The following ZNF280B variants were observed in gnomAD, a reference collection of about 807,000 sequenced individuals.
ZNF280B encodes the protein suppressor of hairy wing homolog 2.
Under a neutral mutation model 38.0 loss-of-function variants are expected in ZNF280B, and 16 were observed. The observed-to-expected ratio is 0.42, with a 90% confidence interval of 0.28 to 0.64. The LOEUF (loss-of-function observed/expected upper bound fraction) is 0.64. Ranked by LOEUF, ZNF280B falls within the 30% of genes least tolerant of loss-of-function variation. The probability of loss-of-function intolerance (pLI) is 0.21; values close to 1 mark genes in which losing one functional copy is unlikely to be tolerated. For missense variants in ZNF280B, 581 were observed against 639.6 expected (o/e 0.91, Z 0.99); for synonymous variants, 253 against 230.6 (o/e 1.10, Z -0.88).
At chr22:22,499,688 A>C (rs2061778022) in intron 2 of ZNF280B, among the ~76,000 whole-genome samples, 1 of 152,026 alleles carries the variant, frequency 6.6e-6, no homozygotes, top group East Asian at 2.0e-4. Flanking sequence ...AACTTTCTCC[A>C]CCAGACAAAG....
intron 2 of ZNF280B, among the ~76,000 whole-genome samples, chr22:22,499,034 C>T (rs1005280215): frequency 6.6e-6 from 1 of 151,398 alleles, no homozygotes; most frequent in African/African-American, 2.4e-5. Context: ...CTCCTGACCT[C>T]GTGATCCGCT....
At position 22,485,758 on chromosome 22, in the gene ZNF280B, G is replaced by A. The variant is rs1165011753; in HGVS notation, c.*2009C>T. On this transcript the variant is annotated 3_prime_UTR_variant, in exon 4 of 4. Coordinates refer to ENST00000626650, the MANE Select transcript of ZNF280B (RefSeq NM_080764.4). Reference sequence around the variant, plus strand: ...CTTTAAAAAGAAATCAAGGAAAAAGGGAGAGATTTCTCCAGACCTATGTAT... The same window carrying A: ...CTTTAAAAAGAAATCAAGGAAAAAGAGAGAGATTTCTCCAGACCTATGTAT... 2.0e-5 allele frequency: 3 copies of A among 150,204 alleles called. No individual in the cohort carries two copies. The highest frequency in any genetic ancestry group is 7.3e-5 in the African/African-American group (3 of 40,832). The allele number at this position is 150,204 out of a possible 1,614,324, so 9.3% of individuals were successfully genotyped here.
At chr22:22,506,245 G>C (rs867979788) in intron 2 of ZNF280B, among the ~76,000 whole-genome samples, 10 of 151,944 alleles carry the variant, frequency 6.6e-5, no homozygotes, top group Non-Finnish European at 1.2e-4. Flanking sequence ...AAAGAGGTCT[G>C]AGATCTAAGC....
intron 2 of ZNF280B, among the ~76,000 whole-genome samples, chr22:22,496,004 C>T (rs1040392402): frequency 6.6e-6 from 1 of 151,346 alleles, no homozygotes; most frequent in Non-Finnish European, 1.5e-5. Flanking sequence ...TGGAGTTTCA[C>T]CATGTTGGCC....
rs150789042 is a variant in ZNF280B, at chr22:22,488,529, A to G, written c.870T>C (p.Tyr290=). The change falls in exon 4 of 4, where the codon TAT becomes TAC. Residue 290 remains tyrosine (Y), a synonymous_variant. Transcript: ENST00000626650. The part of the protein sequence containing the change: ...NPIVLLSDFY[Y]GQHKGEGQPE... ...GCTGCCCTTCTCCTTTATGCTGTCC[A>G]TAGTAAAAGTCACTAAGTAACACAA... 4 of 1,613,846 alleles carry G rather than the reference A, an allele frequency of 2.5e-6. No homozygotes were observed. The highest frequency in any genetic ancestry group is 3.4e-6 in the Non-Finnish European group (4 of 1,179,998).
chr22:22,504,048 TA>T (rs1325456008), intron 2 of ZNF280B, among the ~76,000 whole-genome samples: 2 of 151,986 alleles, frequency 1.3e-5, no homozygotes, highest in Admixed American at 6.6e-5. Flanking sequence ...AATAACTGAT[TA>T]ATTTACACAC....
intron 2 of ZNF280B, among the ~76,000 whole-genome samples, chr22:22,507,532 A>G (rs1330182675): frequency 6.6e-6 from 1 of 151,004 alleles, no homozygotes; most frequent in African/African-American, 2.4e-5. Flanking sequence ...TCAGCTTTAT[A>G]TAACTTAACA....
At position 22,488,471 on chromosome 22, in the gene ZNF280B, G is replaced by C. The variant is rs1222069006; in HGVS notation, c.928C>G (p.Leu310Val). The C allele has an allele frequency of 1.2e-6, 2 of 1,613,856 alleles. No homozygotes were observed. Among genetic ancestry groups the C allele is most frequent in the Non-Finnish European group, 1.7e-6 (2 of 1,179,950 alleles). Residue 310 changes from leucine to valine, a missense_variant, in exon 4 of 4, where the codon CTC becomes GTC. By Grantham distance (32) the Leu-to-Val change is conservative. Transcript: ENST00000626650. ...EQKTHTTFKC[L>V]SCVKVLKNVK... ...TTTTTTAGAACTTTCACGCAGCTGAGGCATTTAAAGGTGGTGTGAGTCTTC... is the reference window on the plus strand; with the variant it reads ...TTTTTTAGAACTTTCACGCAGCTGACGCATTTAAAGGTGGTGTGAGTCTTC...
At chr22:22,508,206 C>G (rs73879612) in intron 1 of ZNF280B, among the ~76,000 whole-genome samples, 7,727 of 151,954 alleles carry the variant, frequency 0.051, 249 homozygotes, top group Middle Eastern at 0.11. Context: ...GAGAGAGACC[C>G]ATACATTCAA....
rs1446539569 is a variant in ZNF280B at position 22,489,331 on chromosome 22, A to C, written c.68T>G (p.Val23Gly). 4 of 1,613,582 alleles carry C rather than the reference A, an allele frequency of 2.5e-6. 1 individual carries two copies. The highest frequency in any genetic ancestry group is 3.4e-6 in the Non-Finnish European group (4 of 1,179,906). ...PQKNIQETKQ[V>G]DDEDAELIFV... ...GATGAGCTCAGCATCTTCGTCATCT[A>C]CTTGTTTGGTTTCTTGTATGTTCTT... The change falls in exon 4 of 4, where the codon GTA (valine) becomes GGA (glycine). Residue 23 changes from valine to glycine, a missense_variant. By Grantham distance (109) the Val-to-Gly change is moderately radical. Coordinates refer to ENST00000626650, the MANE Select transcript of ZNF280B (RefSeq NM_080764.4).
intron 2 of ZNF280B, among the ~76,000 whole-genome samples, chr22:22,505,417 G>A (rs1214533919): frequency 2.0e-5 from 3 of 151,534 alleles, no homozygotes; most frequent in African/African-American, 4.9e-5. Flanking sequence ...AATACAAAAC[G>A]TAGCCAAGTG....
rs1205910164 is a variant in ZNF280B, at chr22:22,489,069, T to G, written c.330A>C (p.Arg110Ser). 1.2e-6 allele frequency: 2 copies of G among 1,613,866 alleles called. No individual in the cohort carries two copies. The highest frequency in any genetic ancestry group is 2.2e-5 in the South Asian group (2 of 91,064). ...CAATAATAATAGGACTATCTGTTGA[T>G]CTCGATTCAAGTTGGGAAGCTGGCA... is the stretch of plus-strand genomic sequence containing the variant. ...TVLPASQLES[R>S]STDSPIIIEP... The change falls in exon 4 of 4, where the codon AGA becomes AGC. Residue 110 changes from arginine (R) to serine (S), a missense_variant. Transcript: ENST00000626650.
intron 2 of ZNF280B, among the ~76,000 whole-genome samples, chr22:22,495,008 G>A (rs1357238056): frequency 6.6e-6 from 1 of 151,978 alleles, no homozygotes; most frequent in Non-Finnish European, 1.5e-5. Context: ...TTACAGGCGT[G>A]AGCCACCGTG....
In ZNF280B at chr22:22,488,332, A is replaced by T; in HGVS notation, c.1067T>A (p.Phe356Tyr). ...ATTTTCGATGTGACACTGTAGCTGGAAGGGAGTGGGAAACTGCCGGTGGCA... is the reference window on the plus strand; with the variant it reads ...ATTTTCGATGTGACACTGTAGCTGGTAGGGAGTGGGAAACTGCCGGTGGCA... Reference protein sequence around the residue: ...QHCHRQFPTPFQLQCHIENVH... With the variant: ...QHCHRQFPTPYQLQCHIENVH... Residue 356 changes from phenylalanine (F) to tyrosine (Y), a missense_variant, in exon 4 of 4, where the codon TTC (phenylalanine) becomes TAC (tyrosine). By Grantham distance (22) the Phe-to-Tyr change is conservative. Coordinates refer to ENST00000626650, the MANE Select transcript of ZNF280B (RefSeq NM_080764.4). 6.2e-7 allele frequency: 1 copy of T among 1,613,822 alleles called. No individual in the cohort carries two copies. Among genetic ancestry groups the T allele is most frequent in the East Asian group, 2.2e-5 (1 of 44,790 alleles).
At position 22,489,365 on chromosome 22, in the gene ZNF280B, C is replaced by G. The variant is rs775946585; in HGVS notation, c.34G>C (p.Glu12Gln). 41 of 1,607,158 alleles carry G rather than the reference C, an allele frequency of 2.6e-5. No homozygotes were observed. The East Asian group carries it at 9.2e-4, about 36-fold the overall frequency. ...EQSCEEEKEP[E>Q]PQKNIQETKQ... Reference sequence around the variant, plus strand: ...GTTTCTTGTATGTTCTTCTGTGGTTCAGGCTCTTTCTCTTCCTCACATGAT... The same window carrying G: ...GTTTCTTGTATGTTCTTCTGTGGTTGAGGCTCTTTCTCTTCCTCACATGAT... Residue 12 changes from glutamate to glutamine, a missense_variant, in exon 4 of 4, where the codon GAA becomes CAA. Physicochemically the swap from Glu to Gln is conservative, Grantham distance 29. Transcript: ENST00000626650.
Position 22,487,623 on chromosome 22 carries a change from C to A in ZNF280B, c.*144G>T. On this transcript the variant is annotated 3_prime_UTR_variant, in exon 4 of 4. Coordinates refer to ENST00000626650, the MANE Select transcript of ZNF280B (RefSeq NM_080764.4). ...AAATTCAGATCAAATAATATATATC[C>A]TGAATCTTGTTTAAAAAGTCATATA... The A allele has an allele frequency of 1.6e-6, 1 of 634,896 alleles. No individual in the cohort carries two copies. Among genetic ancestry groups the A allele is most frequent in the Non-Finnish European group, 2.6e-6 (1 of 389,342 alleles). The allele number at this position is 634,896 out of a possible 1,614,324, so 39.3% of individuals were successfully genotyped here.
chr22:22,488,145 T>C lies in ZNF280B; in HGVS notation c.1254A>G (p.Val418=), dbSNP rs753602077. Residue 418 remains valine, a synonymous_variant, in exon 4 of 4, where the codon GTA becomes GTG. Transcript: ENST00000626650. ...CHYRSSVFAD[V]ETHFRTCHEN... ...CATGGCACGTTCTAAAATGTGTTTC[T>C]ACATCAGCAAAGACCGACGATCTAT... is the stretch of plus-strand genomic sequence containing the variant. 121 of 1,613,818 alleles carry C rather than the reference T, an allele frequency of 7.5e-5. No individual in the cohort carries two copies. The highest frequency in any genetic ancestry group is 9.4e-5 in the Non-Finnish European group (111 of 1,180,000).
chr22:22,492,985 C>T (rs554252296), intron 3 of ZNF280B, among the ~76,000 whole-genome samples: 1 of 151,360 alleles, frequency 6.6e-6, no homozygotes, highest in African/African-American at 2.4e-5. Context: ...TTAGATTTAT[C>T]TGAAGATTAA....
rs983934556 is a variant in ZNF280B at position 22,502,492 on chromosome 22, T to C, written c.-187+5318A>G. ...ACACATATATAAGCTAGCTGGAATA[T>C]AGCCATAATGCTGCTACAAAGTGCA... On this transcript the variant is annotated intron_variant, in intron 2 of 3. Transcript: ENST00000626650. 8.6e-5 allele frequency among the ~76,000 whole-genome samples: 13 copies of C among 152,028 alleles called. No individual in the cohort carries two copies. In the Middle Eastern group the frequency reaches 0.01, roughly 122 times the overall value.
Sources: gnomAD v4.1 joint callset for allele counts (sites outside exome capture counted in the v4.1 genomes callset) on GRCh38, gnomAD v4.1.1 for gene constraint, MANE v1.5 for transcripts, NCBI Gene and HGNC (gene_info 2026-07-23, HGNC 2026-07-21) for gene names.